MACF1: variants seen among roughly 807,000 people sequenced by gnomAD.
The protein encoded by MACF1 is microtubule actin crosslinking factor 1.
In MACF1, 193 loss-of-function variants were observed where a neutral mutation model predicts 854.8. That is an observed-to-expected ratio of 0.23 (90% confidence interval 0.20 to 0.25). MACF1 has a LOEUF of 0.25. Ranked by LOEUF, MACF1 falls within the 10% of genes least tolerant of loss-of-function variation. MACF1 has a pLI of 1.00. For synonymous variants in MACF1, 3,185 were observed against 3,226.7 expected (o/e 0.99, Z 0.44); for missense variants, 7,722 against 8,929.1 (o/e 0.86, Z 5.45).
In MACF1 at chr1:39,335,440, G is replaced by A. The variant is rs1362878981; in HGVS notation, c.8852G>A (p.Cys2951Tyr). 3 of 1,614,102 alleles carry A rather than the reference G, an allele frequency of 1.9e-6. No homozygotes were observed. The highest frequency in any genetic ancestry group is 2.5e-6 in the Non-Finnish European group (3 of 1,180,026). Residue 2951 changes from cysteine (C) to tyrosine (Y), a missense_variant, in exon 37 of 101, where the codon TGT (cysteine) becomes TAT (tyrosine). This residue lies in a region of MACF1 where 854 missense variants were observed against 852.6 expected (regional missense o/e 1.00). Coordinates refer to ENST00000564288, the MANE Select transcript of MACF1 (RefSeq NM_001394062.1). ...EVILEVQETY[C>Y]ETSGKLPSEQ... ...ATTTTGGAAGTACAAGAAACATATT[G>A]TGAAACGTCAGGCAAATTGCCGAGT... is the stretch of plus-strand genomic sequence containing the variant.
chr1:39,441,353 GA>G (rs775426887), intron 74 of MACF1, 28 bp downstream of exon 74: 11 of 1,565,576 alleles, frequency 7.0e-6, no homozygotes, highest in Non-Finnish European at 8.8e-6. Flanking sequence ...GACCACCAAG[GA>G]AATACAGGTT....
rs1488065695 is a variant in MACF1 at position 39,481,034 on chromosome 1, G to C, written c.22281+4G>C. The C allele has an allele frequency of 2.7e-5, 41 of 1,540,562 alleles. No individual in the cohort carries two copies. Among genetic ancestry groups the C allele is most frequent in the Non-Finnish European group, 3.4e-5 (39 of 1,138,032 alleles). The stretch of plus-strand genomic sequence containing the variant: ...CCTCCAGCTGCCCACCCCCGAGGTA[G>C]AGTATGGCTTTGCTGACTGAGGACA... On this transcript the variant is annotated splice_donor_region_variant and intron_variant, in intron 99 of 100. Transcript: ENST00000564288.
intron 97 of MACF1, 64 bp downstream of exon 97, chr1:39,469,679 T>A: frequency 7.9e-7 from 1 of 1,259,862 alleles, no homozygotes; most frequent in Non-Finnish European, 1.1e-6. Flanking sequence ...CTTTGCTTCT[T>A]AAACTGTAAC....
intron 2 of MACF1, among the ~76,000 whole-genome samples, chr1:39,184,215 G>C (rs182016259): frequency 5.5e-4 from 84 of 152,280 alleles, no homozygotes; most frequent in Non-Finnish European, 1.0e-3. Flanking sequence ...ATCTGGGTGA[G>C]ATGGCTCACA....
At chr1:39,444,566 C>G in intron 79 of MACF1, 96 bp from the exon 80 acceptor site, 1 of 1,063,586 alleles carries the variant, frequency 9.4e-7, no homozygotes, top group Non-Finnish European at 1.3e-6. Context: ...CAAGATGAGC[C>G]CTTCCTGGAC....
intron 97 of MACF1, among the ~76,000 whole-genome samples, chr1:39,472,251 A>G (rs927117320): frequency 1.3e-5 from 2 of 152,334 alleles, no homozygotes; most frequent in Non-Finnish European, 1.5e-5. Context: ...TATTTGAATC[A>G]ATGTAAATAT....
chr1:39,247,817 G>A (rs572168513), intron 2 of MACF1, among the ~76,000 whole-genome samples: 1 of 152,278 alleles, frequency 6.6e-6, no homozygotes, highest in African/African-American at 2.4e-5. Flanking sequence ...TGGATCACAA[G>A]GTCGGGAGAT....
At chr1:39,355,984 G>A (rs1277323730) in intron 44 of MACF1, among the ~76,000 whole-genome samples, 3 of 152,142 alleles carry the variant, frequency 2.0e-5, no homozygotes, top group Non-Finnish European at 2.9e-5. Context: ...TTGAAATGAT[G>A]TGGGAAGCTG....
chr1:39,264,142 GT>G (rs1645202210), intron 6 of MACF1, among the ~76,000 whole-genome samples: 1 of 152,106 alleles, frequency 6.6e-6, no homozygotes, highest in Non-Finnish European at 1.5e-5. Flanking sequence ...TCTATTATTT[GT>G]AACGTATTAT....
At chr1:39,094,585 G>T (rs1641891231) in intron 2 of MACF1, among the ~76,000 whole-genome samples, 2 of 152,032 alleles carry the variant, frequency 1.3e-5, no homozygotes, top group Admixed American at 1.3e-4. Flanking sequence ...GGGCGTGGTG[G>T]TGCATGCCTG....
chr1:39,332,732 C>G lies in MACF1; in HGVS notation c.6144C>G (p.Asn2048Lys). 6.2e-7 allele frequency: 1 copy of G among 1,614,114 alleles called. No individual in the cohort carries two copies. The change falls in exon 37 of 101, where the codon AAC becomes AAG. Residue 2048 changes from asparagine to lysine, a missense_variant. Physicochemically the swap from Asn to Lys is moderately conservative, Grantham distance 94. Around this residue, in one of 15 missense-constraint regions of MACF1, gnomAD observed 1,531 missense variants for 1,601.6 expected, o/e 0.96. Transcript: ENST00000564288. ...RLPEFQFSSQNKEYPDREDCT... is the reference protein window; with the variant it reads ...RLPEFQFSSQKKEYPDREDCT... ...CTGAGTTCCAGTTTTCTTCTCAGAA[C>G]AAAGAATATCCCGATCGGGAAGATT... is the stretch of plus-strand genomic sequence containing the variant.
chr1:39,169,215 C>G (rs967410159), intron 2 of MACF1, among the ~76,000 whole-genome samples: 1 of 152,170 alleles, frequency 6.6e-6, no homozygotes, highest in African/African-American at 2.4e-5. Flanking sequence ...ATTTTGTTTT[C>G]TGTGTCCTGT....
At chr1:39,274,362 G>T (rs1424117074) in intron 6 of MACF1, among the ~76,000 whole-genome samples, 1 of 152,158 alleles carries the variant, frequency 6.6e-6, no homozygotes, top group African/African-American at 2.4e-5. Context: ...TGCATTGTGG[G>T]TTCTGCGTCT....
intron 24 of MACF1, 150 bp from the exon 25 acceptor site, chr1:39,310,095 A>T: frequency 1.4e-6 from 1 of 720,180 alleles, no homozygotes; most frequent in Non-Finnish European, 2.2e-6. Context: ...AATGCTGACT[A>T]AATGGAGGAA....
Position 39,306,596 on chromosome 1 carries a change from C to G in MACF1, c.2790-2974C>G, listed in dbSNP as rs1478376084. Among the ~76,000 whole-genome samples the G allele has an allele frequency of 2.8e-5, 4 of 141,528 alleles. No individual in the cohort carries two copies. The South Asian group carries it at 8.9e-4, about 31-fold the overall frequency. 92.8% of individuals were successfully genotyped at this position (141,528 alleles called of 152,430 possible). A position where few individuals can be genotyped will look rare whatever the true frequency, so the allele number is the denominator to read the frequency against. ...CATTTTTCTTTTGGAAACATTTATT[C>G]TGGACCATTCTATCTTTTTTTTTTT... On this transcript the variant is annotated intron_variant, in intron 23 of 100. Coordinates refer to ENST00000564288, the MANE Select transcript of MACF1 (RefSeq NM_001394062.1).
At chr1:39,432,677 G>A (rs775785482) in intron 67 of MACF1, 23 bp downstream of exon 67, 25 of 1,607,372 alleles carry the variant, frequency 1.6e-5, no homozygotes, top group Non-Finnish European at 2.0e-5. Context: ...TCTTTCCTGA[G>A]CTAATAGAAT....
chr1:39,432,434 G>A lies in MACF1; in HGVS notation c.17338-101G>A, dbSNP rs140863074. ...GACTCTACTTTGTGAGATATAAACT[G>A]TATTACTGAAAATCCAGGCCTTGCT... On this transcript the variant is annotated intron_variant, in intron 66 of 100. Coordinates refer to ENST00000564288, the MANE Select transcript of MACF1 (RefSeq NM_001394062.1). The A allele has an allele frequency of 6.0e-5, 60 of 1,002,216 alleles. No homozygotes were observed. The African/African-American group carries it at 8.8e-4, about 15-fold the overall frequency. The allele number at this position is 1,002,216 out of a possible 1,614,324, so 62.1% of individuals were successfully genotyped here.
intron 49 of MACF1, among the ~76,000 whole-genome samples, chr1:39,366,749 C>T (rs1291689971): frequency 3.4e-5 from 5 of 148,668 alleles, no homozygotes; most frequent in Admixed American, 2.7e-4. Context: ...GGCTGGAGTG[C>T]TATGGCACAA....
At position 39,410,321 on chromosome 1, in the gene MACF1, G is replaced by A. The variant is rs372153919; in HGVS notation, c.15817-12053G>A. ...TTAAGGCGGAACCCCAGCTGCCTGG[G>A]GAAAGGAGAGGAGGAGGATGGCTAC... On this transcript the variant is annotated intron_variant, in intron 58 of 100. Coordinates refer to ENST00000564288, the MANE Select transcript of MACF1 (RefSeq NM_001394062.1). The A allele has an allele frequency of 5.0e-6, 8 of 1,612,878 alleles. No individual in the cohort carries two copies. The African/African-American group carries it at 8.0e-5, about 16-fold the overall frequency.
Sources: gnomAD v4.1 joint callset for allele counts (sites outside exome capture counted in the v4.1 genomes callset) on GRCh38, gnomAD v4.1.1 for gene constraint, gnomAD v4.1.1 regional missense constraint, MANE v1.5 for transcripts, NCBI Gene and HGNC (gene_info 2026-07-23, HGNC 2026-07-21) for gene names.